ADAMTS6: variants seen among roughly 807,000 people sequenced by gnomAD.
The protein encoded by ADAMTS6 is A disintegrin and metalloproteinase with thrombospondin motifs 6.
A neutral mutation model predicts 144.3 loss-of-function variants in ADAMTS6; 23 were observed. That is an observed-to-expected ratio of 0.16 (90% confidence interval 0.11 to 0.23). The LOEUF (loss-of-function observed/expected upper bound fraction) is 0.23, where lower values mean the gene tolerates loss of function less well. ADAMTS6 is among the 10% of genes least tolerant of loss of function. The pLI is 1.00. For missense variants in ADAMTS6, 999 were observed against 1,379.6 expected, an observed-to-expected ratio of 0.72 and a Z score of 4.37; for synonymous variants, 444 against 457.5, an observed-to-expected ratio of 0.97 and a Z score of 0.38.
intron 11 of ADAMTS6, among the ~76,000 whole-genome samples, chr5:65,281,867 C>A (rs1763013612): frequency 1.3e-5 from 2 of 151,894 alleles, no homozygotes; most frequent in Non-Finnish European, 2.9e-5. Flanking sequence ...AGTATAATTT[C>A]TAAAAATTGT....
At chr5:65,293,403 C>T (rs1742516348) in intron 10 of ADAMTS6, among the ~76,000 whole-genome samples, 1 of 152,030 alleles carries the variant, frequency 6.6e-6, no homozygotes, top group Non-Finnish European at 1.5e-5. Context: ...CAAAAAAGTG[C>T]AGGATATATT....
At chr5:65,197,793 T>C (rs565742954) in intron 20 of ADAMTS6, among the ~76,000 whole-genome samples, 3 of 152,340 alleles carry the variant, frequency 2.0e-5, no homozygotes, top group East Asian at 3.9e-4. Context: ...CACTGTCAAA[T>C]ACATACATAC....
chr5:65,179,447 C>T (rs115434958), intron 22 of ADAMTS6, among the ~76,000 whole-genome samples: 1 of 151,842 alleles, frequency 6.6e-6, no homozygotes, highest in Non-Finnish European at 1.5e-5. Flanking sequence ...AAGGTGTTAG[C>T]CAAAACAAAA....
At position 65,170,786 on chromosome 5, in the gene ADAMTS6, A is replaced by T; in HGVS notation, c.3088-13T>A. The T allele has an allele frequency of 6.2e-7, 1 of 1,602,460 alleles. No homozygotes were observed. Among genetic ancestry groups the T allele is most frequent in the Non-Finnish European group, 8.5e-7 (1 of 1,172,716 alleles). ...ACTGAGCAGAACACTAAATCCAAAG[A>T]CACAAAGAAACAAAATATTAATCTC... is the stretch of plus-strand genomic sequence containing the variant. On this transcript the variant is annotated splice_polypyrimidine_tract_variant and intron_variant, in intron 23 of 24. Transcript: ENST00000381055.
At chr5:65,417,181 C>A (rs1755606656) in intron 7 of ADAMTS6, among the ~76,000 whole-genome samples, 1 of 152,180 alleles carries the variant, frequency 6.6e-6, no homozygotes, top group Non-Finnish European at 1.5e-5. Flanking sequence ...TCCAACATCC[C>A]TTTATGACAA....
chr5:65,162,024 G>A (rs998009862), intron 24 of ADAMTS6, among the ~76,000 whole-genome samples: 1 of 152,140 alleles, frequency 6.6e-6, no homozygotes, highest in South Asian at 2.1e-4. Context: ...GATTTAGCCA[G>A]GTAGATGAAA....
rs1439470487 is a variant in ADAMTS6 at position 65,242,109 on chromosome 5, G to A, written c.1928C>T (p.Thr643Ile). 5 of 1,589,158 alleles carry A rather than the reference G, an allele frequency of 3.1e-6. No individual in the cohort carries two copies. The highest frequency in any genetic ancestry group is 8.6e-7 in the Non-Finnish European group (1 of 1,164,078). ...RGKYYNWKPY[T>I]GGGVKPCALN... ...TCTGTCAGGTTATACATTACCTCCAGTATAGGGTTTCCAGTTATAATACTT... is the reference window on the plus strand; with the variant it reads ...TCTGTCAGGTTATACATTACCTCCAATATAGGGTTTCCAGTTATAATACTT... Residue 643 changes from threonine (T) to isoleucine (I), a missense_variant, in exon 15 of 25, where the codon ACT becomes ATT. Physicochemically the swap from Thr to Ile is moderately conservative, Grantham distance 89. This residue lies in a region of ADAMTS6 where 619 missense variants were observed against 837.0 expected (regional missense o/e 0.74). Transcript: ENST00000381055.
chr5:65,403,304 A>G (rs1754100652), intron 7 of ADAMTS6, among the ~76,000 whole-genome samples: 1 of 152,154 alleles, frequency 6.6e-6, no homozygotes, highest in Non-Finnish European at 1.5e-5. Context: ...TTTTCTGAAC[A>G]TACATTTACT....
intron 3 of ADAMTS6, among the ~76,000 whole-genome samples, chr5:65,464,491 A>G (rs959650656): frequency 7.9e-5 from 12 of 152,224 alleles, no homozygotes; most frequent in African/African-American, 2.2e-4. Flanking sequence ...TGCTATCAAC[A>G]TATTGGTTTG....
At chr5:65,246,627 A>C (rs893920955) in intron 14 of ADAMTS6, among the ~76,000 whole-genome samples, 2 of 152,204 alleles carry the variant, frequency 1.3e-5, no homozygotes, top group African/African-American at 2.4e-5. Context: ...ATTTATGTAC[A>C]TATCTGTGAA....
intron 9 of ADAMTS6, among the ~76,000 whole-genome samples, chr5:65,316,833 G>C (rs557950839): frequency 5.3e-5 from 8 of 151,316 alleles, no homozygotes; most frequent in African/African-American, 1.9e-4. Flanking sequence ...ACGGAGTCTT[G>C]CTCTGTTGCC....
chr5:65,389,514 A>C (rs1752741157), intron 7 of ADAMTS6, among the ~76,000 whole-genome samples: 1 of 152,130 alleles, frequency 6.6e-6, no homozygotes, highest in Admixed American at 6.5e-5. Context: ...ATTTGTACAT[A>C]TTTAAACAAA....
chr5:65,254,603 C>A (rs1760491872), intron 14 of ADAMTS6, among the ~76,000 whole-genome samples: 1 of 152,152 alleles, frequency 6.6e-6, no homozygotes, highest in Non-Finnish European at 1.5e-5. Flanking sequence ...CGTGGCCAAA[C>A]TGAGCAAAAA....
At chr5:65,356,570 A>G (rs900339514) in intron 7 of ADAMTS6, among the ~76,000 whole-genome samples, 2 of 151,978 alleles carry the variant, frequency 1.3e-5, no homozygotes, top group African/African-American at 4.8e-5. Context: ...CATGCTTTTC[A>G]GTTCTTTTCT....
intron 11 of ADAMTS6, among the ~76,000 whole-genome samples, chr5:65,274,564 C>T (rs1260894431): frequency 2.6e-5 from 4 of 152,238 alleles, no homozygotes; most frequent in Admixed American, 2.6e-4. Flanking sequence ...GTTAACTGGT[C>T]CTACAAATGG....
chr5:65,372,456 C>A (rs890955375), intron 7 of ADAMTS6, among the ~76,000 whole-genome samples: 2 of 151,528 alleles, frequency 1.3e-5, no homozygotes, highest in African/African-American at 4.9e-5. Context: ...GGGTTGCAAT[C>A]CTAGTCTCTG....
intron 14 of ADAMTS6, among the ~76,000 whole-genome samples, chr5:65,253,007 C>T (rs1760315414): frequency 6.6e-6 from 1 of 152,068 alleles, no homozygotes; most frequent in Non-Finnish European, 1.5e-5. Context: ...CCCATTTCAG[C>T]CTCCCAAGTA....
chr5:65,394,994 A>C (rs1241380437), intron 7 of ADAMTS6, among the ~76,000 whole-genome samples: 2 of 152,182 alleles, frequency 1.3e-5, no homozygotes, highest in Non-Finnish European at 2.9e-5. Flanking sequence ...CAGAAAAGTT[A>C]CAAAAATTGC....
rs190761752 is a variant in ADAMTS6, at chr5:65,365,416, C to A, written c.1074-31331G>T. Among the ~76,000 whole-genome samples, 895 of 152,194 alleles carry A rather than the reference C, an allele frequency of 5.9e-3. 10 individuals are homozygous for A. Among genetic ancestry groups the A allele is most frequent in the African/African-American group, 0.019 (789 of 41,518 alleles). On this transcript the variant is annotated intron_variant, in intron 7 of 24. Transcript: ENST00000381055. ...ATCCAAGCACTTTGGGAGGCCAAGG[C>A]AGGCAGATCACCTGAGGTCAGGAGT...
Sources: gnomAD v4.1 joint callset for allele counts (sites outside exome capture counted in the v4.1 genomes callset) on GRCh38, gnomAD v4.1.1 for gene constraint, gnomAD v4.1.1 regional missense constraint, MANE v1.5 for transcripts, NCBI Gene and HGNC (gene_info 2026-07-23, HGNC 2026-07-21) for gene names.